Variants in POT1 observed in about 807,000 individuals in gnomAD.
POT1 encodes the protein protection of telomeres 1.
Under a neutral mutation model 78.5 loss-of-function variants are expected in POT1, and 47 were observed. The ratio of observed to expected loss-of-function variants is 0.60; its 90% confidence interval spans 0.47 to 0.76. POT1 has a LOEUF of 0.76. Among genes scored for constraint, POT1 ranks in the 30% least tolerant of loss-of-function variants. The pLI is 0.00. For missense variants in POT1, 646 were observed against 749.9 expected (o/e 0.86, Z 1.62); for synonymous variants, 259 against 260.7 (o/e 0.99, Z 0.06).
intron 11 of POT1, among the ~76,000 whole-genome samples, chr7:124,847,222 C>A (rs1204722018): frequency 6.6e-6 from 1 of 152,208 alleles, no homozygotes; most frequent in African/African-American, 2.4e-5. Context: ...GGGGTGGGCA[C>A]AGTGGCTCAC....
At chr7:124,852,091 A>G (rs546234948) in intron 10 of POT1, 140 bp from the exon 11 acceptor site, 4 of 578,986 alleles carry the variant, frequency 6.9e-6, no homozygotes, top group East Asian at 3.0e-5. Context: ...TAAAGGATCT[A>G]TTGCTTTCAT....
At chr7:124,880,701 T>A (rs1245887846) in intron 6 of POT1, among the ~76,000 whole-genome samples, 1 of 152,062 alleles carries the variant, frequency 6.6e-6, no homozygotes, top group Non-Finnish European at 1.5e-5. Flanking sequence ...AACATTATTG[T>A]AGACCCACTA....
chr7:124,832,896 G>C (rs1794803594), intron 15 of POT1, among the ~76,000 whole-genome samples: 1 of 151,586 alleles, frequency 6.6e-6, no homozygotes, highest in Non-Finnish European at 1.5e-5. Context: ...TAGTATTTCA[G>C]AGTTTAAAAT....
At chr7:124,928,681 T>C (rs1451997200) in intron 2 of POT1, 134 bp downstream of exon 2, 1 of 152,484 alleles carries the variant, frequency 6.6e-6, no homozygotes, top group East Asian at 1.9e-4. Context: ...GAATAACTTA[T>C]TGAAATATTC....
At chr7:124,842,172 C>T (rs1292550967) in intron 13 of POT1, among the ~76,000 whole-genome samples, 1 of 151,878 alleles carries the variant, frequency 6.6e-6, no homozygotes, top group Non-Finnish European at 1.5e-5. Context: ...TTTTCCAAAA[C>T]ATCATTTTAG....
At chr7:124,849,993 G>A (rs1222960174) in intron 11 of POT1, among the ~76,000 whole-genome samples, 1 of 151,962 alleles carries the variant, frequency 6.6e-6, no homozygotes, top group East Asian at 1.9e-4. Flanking sequence ...AGGGAATAAA[G>A]GTATAGTGAA....
intron 3 of POT1, among the ~76,000 whole-genome samples, chr7:124,908,422 A>C (rs1584520455): frequency 6.6e-6 from 1 of 151,972 alleles, no homozygotes; most frequent in East Asian, 1.9e-4. Context: ...TTTGACCCCT[A>C]CCCACCTCAT....
rs2116541232 is a variant in POT1, at chr7:124,863,355, G to A, written c.541C>T (p.Leu181=). ...CAGTATTAAAAAATATGTACCTTTA[G>A]AAGAAATGATGCTCCGTCCACTTCT... is the stretch of plus-strand genomic sequence containing the variant. ...KAEVDGASFL[L]KVWDGTRTPF... Residue 181 remains leucine, a synonymous_variant, in exon 8 of 19, where the codon CTA becomes TTA. Coordinates refer to ENST00000357628, the MANE Select transcript of POT1 (RefSeq NM_015450.3). 6.2e-7 allele frequency: 1 copy of A among 1,610,636 alleles called. No individual in the cohort carries two copies. Among genetic ancestry groups the A allele is most frequent in the East Asian group, 2.2e-5 (1 of 44,864 alleles).
At chr7:124,914,136 G>GAAAA (rs35946307) in intron 3 of POT1, among the ~76,000 whole-genome samples, 4 of 111,162 alleles carry the variant, frequency 3.6e-5, no homozygotes, top group Admixed American at 1.0e-4. Context: ...CTCTGTCTCA[G>GAAAA]AAAAAAAAAA....
intron 14 of POT1, 37 bp downstream of exon 14, chr7:124,840,936 G>C (rs372998210): frequency 2.7e-6 from 4 of 1,459,190 alleles, no homozygotes; most frequent in Non-Finnish European, 3.8e-6. Flanking sequence ...ATATGCAAAA[G>C]GAGTATTCTA....
At chr7:124,845,293 T>C (rs909082930) in intron 12 of POT1, among the ~76,000 whole-genome samples, 1 of 152,212 alleles carries the variant, frequency 6.6e-6, no homozygotes, top group Non-Finnish European at 1.5e-5. Context: ...ACTTCTTTAA[T>C]GTAAAATAAG....
intron 16 of POT1, among the ~76,000 whole-genome samples, chr7:124,828,663 T>C (rs1000832674): frequency 2.0e-5 from 3 of 151,846 alleles, no homozygotes; most frequent in Admixed American, 6.6e-5. Context: ...ACATTAAGAA[T>C]AGAACGAAGA....
At chr7:124,907,737 G>A (rs1197804767) in intron 3 of POT1, among the ~76,000 whole-genome samples, 2 of 152,084 alleles carry the variant, frequency 1.3e-5, no homozygotes, top group African/African-American at 4.8e-5. Context: ...TAGCAGAAGA[G>A]GCTATGCATA....
At chr7:124,872,630 A>G (rs1014570555) in intron 6 of POT1, among the ~76,000 whole-genome samples, 1 of 152,204 alleles carries the variant, frequency 6.6e-6, no homozygotes, top group African/African-American at 2.4e-5. Flanking sequence ...ACAGATACGT[A>G]TATTTAGGAG....
At chr7:124,890,404 T>G (rs1387853108) in intron 6 of POT1, among the ~76,000 whole-genome samples, 1 of 151,952 alleles carries the variant, frequency 6.6e-6, no homozygotes, top group African/African-American at 2.4e-5. Flanking sequence ...AACAAAAGAC[T>G]TAGAATATTC....
intron 3 of POT1, among the ~76,000 whole-genome samples, chr7:124,906,139 G>T (rs1796759864): frequency 6.6e-6 from 1 of 152,116 alleles, no homozygotes; most frequent in Admixed American, 6.5e-5. Context: ...CCATTACTGG[G>T]TATATAGCCA....
At chr7:124,882,278 T>C (rs1796137532) in intron 6 of POT1, among the ~76,000 whole-genome samples, 1 of 152,052 alleles carries the variant, frequency 6.6e-6, no homozygotes, top group Non-Finnish European at 1.5e-5. Context: ...AGCAACACTA[T>C]TCCATTGGTA....
intron 14 of POT1, chr7:124,837,219 GT>G: frequency 6.8e-6 from 2 of 294,724 alleles, no homozygotes; most frequent in Admixed American, 4.5e-5. Flanking sequence ...CAGAAGAACT[GT>G]TATGAGAGTT....
Position 124,822,419 on chromosome 7 carries a change from A to G in POT1, c.*1543T>C, listed in dbSNP as rs2116397747. 3.1e-6 allele frequency: 1 copy of G among 322,266 alleles called. No homozygotes were observed. Among genetic ancestry groups the G allele is most frequent in the Non-Finnish European group, 6.7e-6 (1 of 150,370 alleles). 20.0% of individuals were successfully genotyped at this position (322,266 alleles called of 1,614,324 possible). On this transcript the variant is annotated 3_prime_UTR_variant, in exon 19 of 19. Transcript: ENST00000357628. Reference sequence around the variant, plus strand: ...AGGTGGATGTTTATTTAAAACAAAAATAAGAAGAGACATGGCCTATCATCA... The same window carrying G: ...AGGTGGATGTTTATTTAAAACAAAAGTAAGAAGAGACATGGCCTATCATCA...
Sources: gnomAD v4.1 joint callset for allele counts (sites outside exome capture counted in the v4.1 genomes callset) on GRCh38, gnomAD v4.1.1 for gene constraint, MANE v1.5 for transcripts, NCBI Gene and HGNC (gene_info 2026-07-23, HGNC 2026-07-21) for gene names.